AEBP2: variants seen among roughly 807,000 people sequenced by gnomAD.
The protein encoded by AEBP2 is AE binding protein 2.
In AEBP2, 10 loss-of-function variants were observed where a neutral mutation model predicts 50.8. The ratio of observed to expected loss-of-function variants is 0.20; its 90% CI spans 0.12 to 0.33. The LOEUF is 0.33. AEBP2 is among the 10% of genes least tolerant of loss of function. The pLI, the probability that AEBP2 is intolerant of heterozygous loss-of-function variation, is 1.00. For missense variants in AEBP2, 570 were observed against 688.0 expected, an observed-to-expected ratio of 0.83 and a Z score of 1.92; for synonymous variants, 296 against 261.3, an observed-to-expected ratio of 1.13 and a Z score of -1.28.
At chr12:19,445,921 C>T (rs1002133145) in intron 1 of AEBP2, 1 of 151,930 alleles carries the variant, frequency 6.6e-6, no homozygotes, top group Non-Finnish European at 1.5e-5. Flanking sequence ...CGATAACTAG[C>T]TGAACGTACA....
intron 1 of AEBP2, chr12:19,457,361 T>C (rs1948287492): frequency 9.6e-6 from 14 of 1,454,214 alleles, no homozygotes; most frequent in Non-Finnish European, 1.3e-5. Flanking sequence ...TGGTTAAGTC[T>C]CTGTGTCCTA....
At chr12:19,406,075 C>T (rs1245429970) in intron 1 of AEBP2, among the ~76,000 whole-genome samples, 3 of 151,884 alleles carry the variant, frequency 2.0e-5, no homozygotes, top group African/African-American at 7.3e-5. Context: ...AAAGGACTCT[C>T]CTGCTTTAGC....
At chr12:19,449,702 A>G (rs1252072711) in intron 1 of AEBP2, among the ~76,000 whole-genome samples, 1 of 152,206 alleles carries the variant, frequency 6.6e-6, no homozygotes, top group Non-Finnish European at 1.5e-5. Flanking sequence ...TTACAGTGGT[A>G]ATAGCTTGTA....
intron 3 of AEBP2, among the ~76,000 whole-genome samples, chr12:19,492,162 A>G (rs1039516135): frequency 7.2e-5 from 11 of 152,220 alleles, no homozygotes; most frequent in African/African-American, 2.7e-4. Flanking sequence ...TGGTAAGTCA[A>G]AAACTAAGTA....
At chr12:19,487,904 A>C (rs1018740203) in intron 3 of AEBP2, among the ~76,000 whole-genome samples, 1 of 152,088 alleles carries the variant, frequency 6.6e-6, no homozygotes, top group African/African-American at 2.4e-5. Flanking sequence ...TTGGTGAAAA[A>C]AGTTGAGATC....
intron 3 of AEBP2, among the ~76,000 whole-genome samples, chr12:19,491,788 A>T (rs1948897415): frequency 6.6e-6 from 1 of 152,184 alleles, no homozygotes; most frequent in African/African-American, 2.4e-5. Flanking sequence ...TATGATTTGC[A>T]AGATGCTTCT....
intron 1 of AEBP2, among the ~76,000 whole-genome samples, chr12:19,450,784 A>G (rs538615744): frequency 4.6e-5 from 7 of 151,162 alleles, no homozygotes; most frequent in East Asian, 3.9e-4. Flanking sequence ...TGAGGCTGCA[A>G]TGAACTATGA....
At chr12:19,450,254 G>A (rs1376398117) in intron 1 of AEBP2, among the ~76,000 whole-genome samples, 1 of 151,980 alleles carries the variant, frequency 6.6e-6, no homozygotes, top group African/African-American at 2.4e-5. Flanking sequence ...TGGATTTGAT[G>A]TTGTCATTGT....
In AEBP2 at chr12:19,440,713, A is replaced by C. The variant is rs561647625; in HGVS notation, c.671+343A>C. 23 of 1,533,398 alleles carry C rather than the reference A, an allele frequency of 1.5e-5. 1 individual carries two copies. The South Asian group carries it at 2.3e-4, about 15-fold the overall frequency. The allele number at this position is 1,533,398 out of a possible 1,614,324, so 95.0% of individuals were successfully genotyped here. A position where few individuals can be genotyped will look rare whatever the true frequency, so the allele number is the denominator to read the frequency against. On this transcript the variant is annotated intron_variant, in intron 1 of 7. Transcript: ENST00000266508. ...AGCAGAAGAGGGCCTTGATGTACAC[A>C]CGTCGGTACTCAAGGTTAGCTTCTT...
At chr12:19,484,291 G>A (rs1948774099) in intron 3 of AEBP2, among the ~76,000 whole-genome samples, 1 of 129,512 alleles carries the variant, frequency 7.7e-6, no homozygotes, top group African/African-American at 3.0e-5. Context: ...TTTTAGTAGA[G>A]ATGGGGTTTC....
intron 3 of AEBP2, among the ~76,000 whole-genome samples, chr12:19,474,949 C>T (rs933090102): frequency 5.9e-5 from 9 of 152,104 alleles, no homozygotes; most frequent in Admixed American, 2.0e-4. Flanking sequence ...TGCGCCATCA[C>T]GCCTGGCGAA....
chr12:19,408,555 A>C (rs559387612), intron 1 of AEBP2, among the ~76,000 whole-genome samples: 2 of 151,754 alleles, frequency 1.3e-5, no homozygotes, highest in African/African-American at 4.8e-5. Flanking sequence ...AAAAAAAAAG[A>C]AAGCGTTTTC....
chr12:19,492,480 A>AGG (rs1397050751), intron 3 of AEBP2, among the ~76,000 whole-genome samples: 1 of 152,186 alleles, frequency 6.6e-6, no homozygotes, highest in African/African-American at 2.4e-5. Flanking sequence ...GATATTGTAG[A>AGG]GGGCGGCATA....
chr12:19,499,749 A>ATAT (rs1228109700), intron 4 of AEBP2, among the ~76,000 whole-genome samples: 1 of 152,152 alleles, frequency 6.6e-6, no homozygotes, highest in Non-Finnish European at 1.5e-5. Flanking sequence ...AAATCCTGAT[A>ATAT]TATAGATGGT....
chr12:19,497,673 A>G (rs926332569), intron 4 of AEBP2, among the ~76,000 whole-genome samples: 4 of 152,066 alleles, frequency 2.6e-5, no homozygotes, highest in African/African-American at 9.7e-5. Flanking sequence ...GGGTTTTACC[A>G]TGTTGGCCAC....
At chr12:19,496,726 A>C (rs1047696158) in intron 4 of AEBP2, among the ~76,000 whole-genome samples, 1 of 150,538 alleles carries the variant, frequency 6.6e-6, no homozygotes, top group African/African-American at 2.4e-5. Flanking sequence ...CAGTGGTGCA[A>C]TCATGACTCA....
chr12:19,449,415 A>G (rs889556040), intron 1 of AEBP2, among the ~76,000 whole-genome samples: 6 of 152,202 alleles, frequency 3.9e-5, no homozygotes, highest in African/African-American at 1.4e-4. Context: ...TTTAAGCTGG[A>G]TGAAAAATGT....
chr12:19,472,092 A>T (rs1324318547), intron 2 of AEBP2, among the ~76,000 whole-genome samples: 1 of 152,108 alleles, frequency 6.6e-6, no homozygotes, highest in African/African-American at 2.4e-5. Flanking sequence ...TACCTATTTG[A>T]CATAAGATGG....
intron 5 of AEBP2, among the ~76,000 whole-genome samples, chr12:19,510,441 C>T (rs1949217186): frequency 1.3e-5 from 2 of 152,080 alleles, no homozygotes; most frequent in South Asian, 4.1e-4. Flanking sequence ...CGGCATATGC[C>T]AGGCAGGAAA....
Sources: allele counts gnomAD v4.1 joint callset (sites outside exome capture counted in the v4.1 genomes callset), GRCh38; gene constraint gnomAD v4.1.1; transcripts MANE v1.5; gene names NCBI Gene and HGNC (gene_info 2026-07-23, HGNC 2026-07-21).